NOS1: variants seen among roughly 807,000 people sequenced by gnomAD.
NOS1 encodes the protein nitric oxide synthase 1.
Under a neutral mutation model 164.5 loss-of-function variants are expected in NOS1, and 51 were observed. The observed-to-expected ratio is 0.31, with a 90% CI of 0.25 to 0.39. NOS1 has a LOEUF of 0.39. Ranked by LOEUF, NOS1 falls within the 10% of genes least tolerant of loss-of-function variation. The pLI, the probability that NOS1 is intolerant of heterozygous loss-of-function variation, is 1.00. For missense variants in NOS1, 1,362 were observed against 1,885.6 expected (o/e 0.72, Z 5.14); for synonymous variants, 719 against 745.8 (o/e 0.96, Z 0.59).
intron 2 of NOS1, among the ~76,000 whole-genome samples, chr12:117,322,214 CCCTCTTTCCTT>C (rs1240554369): frequency 1.7e-5 from 2 of 118,002 alleles, no homozygotes; most frequent in African/African-American, 3.0e-5. Flanking sequence ...TTCCTTCCCT[CCCTCTTTCCTT>C]CCTTCCCTTC....
At position 117,243,759 on chromosome 12, in the gene NOS1, T is replaced by C. The variant is rs1870393260; in HGVS notation, c.2824-324A>G. Among the ~76,000 whole-genome samples, 1 of 151,372 alleles carries C rather than the reference T, an allele frequency of 6.6e-6. No homozygotes were observed. The highest frequency in any genetic ancestry group is 2.4e-5 in the African/African-American group (1 of 41,230). ...TTCCATCCATCCATCCATCCACCCATCCATCCACCCACCCACCCATCCATC... is the reference window on the plus strand; with the variant it reads ...TTCCATCCATCCATCCATCCACCCACCCATCCACCCACCCACCCATCCATC... On this transcript the variant is annotated intron_variant, in intron 18 of 28. Coordinates refer to ENST00000317775, the MANE Select transcript of NOS1 (RefSeq NM_000620.5). The surrounding 1 kb of genome is among the most constrained non-coding windows in gnomAD (Gnocchi z 4.3).
chr12:117,303,389 CA>C (rs1354155097), intron 3 of NOS1, among the ~76,000 whole-genome samples: 2 of 152,140 alleles, frequency 1.3e-5, no homozygotes, highest in Non-Finnish European at 2.9e-5. Flanking sequence ...CAGATTTTGA[CA>C]TTTTGAAAGC....
chr12:117,274,893 G>A (rs550208898), intron 9 of NOS1, among the ~76,000 whole-genome samples: 21 of 151,830 alleles, frequency 1.4e-4, no homozygotes, highest in African/African-American at 4.3e-4. Flanking sequence ...GTCTAACAAC[G>A]GATGAATGGA....
At chr12:117,357,447 G>A (rs1402987582) in intron 1 of NOS1, among the ~76,000 whole-genome samples, 3 of 152,206 alleles carry the variant, frequency 2.0e-5, no homozygotes, top group Non-Finnish European at 2.9e-5. Flanking sequence ...CGGCATTTAC[G>A]GGGCTTGTAC....
rs571303884 is a variant in NOS1, at chr12:117,284,301, G to A, written c.1382+940C>T. ...GCGGGCAGAGTCAACAAGTGTAGCC[G>A]GCTGTCTGTGGGGCCCCAGCTGTTC... On this transcript the variant is annotated intron_variant, in intron 7 of 28. Transcript: ENST00000317775. Among the ~76,000 whole-genome samples the A allele has an allele frequency of 7.9e-5, 12 of 152,268 alleles. No homozygotes were observed. The East Asian group carries it at 1.7e-3, about 22-fold the overall frequency.
chr12:117,247,367 C>G lies in NOS1; in HGVS notation c.2804G>C (p.Trp935Ser). The change falls in exon 18 of 29, where the codon TGG becomes TCG. Residue 935 changes from tryptophan (W) to serine (S), a missense_variant. By Grantham distance (177) the Trp-to-Ser change is radical. Around this residue, in one of 4 missense-constraint regions of NOS1, gnomAD observed 737 missense variants for 1,030.3 expected, o/e 0.72. Transcript: ENST00000317775. ...GATTACCTTGAAGACCTTCTTGGCC[C>G]AGGTCCTGAAAGCCTCTTCCTGCCC... ...LCGQEEAFRT[W>S]AKKVFKAACD... The G allele has an allele frequency of 6.2e-7, 1 of 1,603,468 alleles. No individual in the cohort carries two copies. The highest frequency in any genetic ancestry group is 8.5e-7 in the Non-Finnish European group (1 of 1,175,664).
At chr12:117,273,747 C>T (rs984457653) in intron 9 of NOS1, among the ~76,000 whole-genome samples, 2 of 152,090 alleles carry the variant, frequency 1.3e-5, no homozygotes, top group Non-Finnish European at 2.9e-5. Flanking sequence ...ACTTGTATGA[C>T]ACCTCGTTCA....
chr12:117,294,318 C>T (rs1021510261), intron 3 of NOS1, among the ~76,000 whole-genome samples: 6 of 151,928 alleles, frequency 3.9e-5, no homozygotes, highest in African/African-American at 1.2e-4. Flanking sequence ...GGGCGGCAGC[C>T]GACAGTTTTC....
At chr12:117,344,303 A>T (rs1876244707) in intron 1 of NOS1, among the ~76,000 whole-genome samples, 1 of 152,266 alleles carries the variant, frequency 6.6e-6, no homozygotes, top group Non-Finnish European at 1.5e-5. Flanking sequence ...TTGGTGAATA[A>T]GCGCTCAACT....
chr12:117,332,131 A>G (rs1171520574), intron 1 of NOS1, among the ~76,000 whole-genome samples: 1 of 152,266 alleles, frequency 6.6e-6, no homozygotes, highest in African/African-American at 2.4e-5. Context: ...TGTGCTCCAC[A>G]GACAGCTGAA....
At chr12:117,300,924 ACT>A in intron 3 of NOS1, among the ~76,000 whole-genome samples, 1 of 152,098 alleles carries the variant, frequency 6.6e-6, no homozygotes, top group East Asian at 1.9e-4. Flanking sequence ...GAGCCGATGG[ACT>A]CTGCCAAAGC....
intron 21 of NOS1, among the ~76,000 whole-genome samples, chr12:117,233,277 G>A (rs764590924): frequency 9.2e-5 from 14 of 151,736 alleles, no homozygotes; most frequent in Non-Finnish European, 1.9e-4. Flanking sequence ...TCAAACTCCT[G>A]ACCTCAGGTG....
At chr12:117,347,536 T>C (rs1668930586) in intron 1 of NOS1, among the ~76,000 whole-genome samples, 1 of 152,130 alleles carries the variant, frequency 6.6e-6, no homozygotes. Context: ...TGCAAATAAG[T>C]ATTTCACTAT....
intron 26 of NOS1, among the ~76,000 whole-genome samples, chr12:117,221,780 G>A (rs945454813): frequency 6.7e-4 from 101 of 150,894 alleles, no homozygotes; most frequent in African/African-American, 2.4e-3. Context: ...CAAGGAGCTG[G>A]GACCACAGTC....
intron 11 of NOS1, among the ~76,000 whole-genome samples, chr12:117,267,154 C>T (rs749640001): frequency 6.6e-6 from 1 of 152,184 alleles, no homozygotes; most frequent in Non-Finnish European, 1.5e-5. Flanking sequence ...GCTGCCTAGA[C>T]TGGAAGCCCC....
Position 117,265,384 on chromosome 12 carries a change from C to T in NOS1, c.2068G>A (p.Gly690Arg), listed in dbSNP as rs1872303767. 3 of 1,588,458 alleles carry T rather than the reference C, an allele frequency of 1.9e-6. No individual in the cohort carries two copies. The highest frequency in any genetic ancestry group is 2.3e-5 in the East Asian group (1 of 43,792). Reference protein sequence around the residue: ...DWVWIVPPMSGSITPVFHQEM... With the variant: ...DWVWIVPPMSRSITPVFHQEM... ...TGGTGGAACACAGGGGTGATGCTTC[C>T]GGACATGGGGGGCACGATCCACACC... The change falls in exon 12 of 29, where the codon GGA (glycine) becomes AGA (arginine). Residue 690 changes from glycine (G) to arginine (R), a missense_variant. By Grantham distance (125) the Gly-to-Arg change is moderately radical. Transcript: ENST00000317775.
chr12:117,253,588 C>G, intron 17 of NOS1, 50 bp downstream of exon 17: 1 of 1,297,442 alleles, frequency 7.7e-7, no homozygotes, highest in Non-Finnish European at 1.1e-6. Context: ...TCAAGCTCCC[C>G]AGGAGCCTTA....
intron 1 of NOS1, among the ~76,000 whole-genome samples, chr12:117,349,869 C>T (rs1056301803): frequency 1.3e-5 from 2 of 148,652 alleles, no homozygotes; most frequent in Admixed American, 6.8e-5. Flanking sequence ...ACTACAGGCA[C>T]GAGCCACCAC....
intron 3 of NOS1, among the ~76,000 whole-genome samples, chr12:117,296,464 T>C (rs1027727533): frequency 6.6e-6 from 1 of 152,070 alleles, no homozygotes; most frequent in African/African-American, 2.4e-5. Flanking sequence ...CAGAAGAACA[T>C]AAAAAGACCA....
Sources: gnomAD v4.1 joint callset for allele counts (sites outside exome capture counted in the v4.1 genomes callset) on GRCh38, gnomAD v4.1.1 for gene constraint, gnomAD v4.1.1 regional missense constraint, Gnocchi (gnomAD v3.1) non-coding constraint, MANE v1.5 for transcripts, NCBI Gene and HGNC (gene_info 2026-07-23, HGNC 2026-07-21) for gene names.